The following DCC variants were observed in gnomAD, a reference collection of about 807,000 sequenced individuals.
The protein encoded by DCC is DCC netrin 1 receptor, also known as netrin receptor DCC.
A neutral mutation model predicts 172.5 loss-of-function variants in DCC; 58 were observed. The ratio of observed to expected loss-of-function variants is 0.34; its 90% CI spans 0.27 to 0.42. The LOEUF (loss-of-function observed/expected upper bound fraction) is 0.42. Among genes scored for constraint, DCC ranks in the 10% least tolerant of loss-of-function variants. The pLI is 1.00. For synonymous variants in DCC, 709 were observed against 644.5 expected (o/e 1.10, Z -1.52); for missense variants, 1,740 against 1,791.0 (o/e 0.97, Z 0.51).
At chr18:52,529,776 C>G (rs943217158) in intron 1 of DCC, among the ~76,000 whole-genome samples, 1 of 152,146 alleles carries the variant, frequency 6.6e-6, no homozygotes, top group African/African-American at 2.4e-5. Flanking sequence ...GCATCCGCCT[C>G]GAGCTGTCTT....
intron 2 of DCC, among the ~76,000 whole-genome samples, chr18:52,845,111 T>C (rs1269690142): frequency 1.3e-5 from 2 of 151,928 alleles, no homozygotes; most frequent in African/African-American, 4.9e-5. Flanking sequence ...TTCAGATCCC[T>C]TGGGAAAAGA....
intron 1 of DCC, among the ~76,000 whole-genome samples, chr18:52,601,382 G>A (rs1027262546): frequency 2.0e-5 from 3 of 151,778 alleles, no homozygotes; most frequent in Non-Finnish European, 2.9e-5. Flanking sequence ...AGTGGTTATA[G>A]ATTTTCTTGC....
chr18:52,687,534 C>G (rs927811615), intron 1 of DCC, among the ~76,000 whole-genome samples: 1 of 152,092 alleles, frequency 6.6e-6, no homozygotes, highest in African/African-American at 2.4e-5. Flanking sequence ...ATCCGCCCAC[C>G]TTGGCCTCCC....
chr18:52,616,546 A>G (rs2034385345), intron 1 of DCC, among the ~76,000 whole-genome samples: 1 of 152,160 alleles, frequency 6.6e-6, no homozygotes. Flanking sequence ...TGACAAGCCA[A>G]TTACATTTGC....
At chr18:52,406,840 T>A (rs1014687748) in intron 1 of DCC, among the ~76,000 whole-genome samples, 1 of 152,116 alleles carries the variant, frequency 6.6e-6, no homozygotes, top group African/African-American at 2.4e-5. Flanking sequence ...TTCAGTATGA[T>A]ATAAGACAGT....
chr18:52,498,799 C>T (rs780055476), intron 1 of DCC, among the ~76,000 whole-genome samples: 3 of 152,046 alleles, frequency 2.0e-5, no homozygotes, highest in Non-Finnish European at 4.4e-5. Flanking sequence ...AGAAAGAAAC[C>T]TCTGATGTCT....
chr18:53,359,202 G>A (rs148787764), intron 15 of DCC, among the ~76,000 whole-genome samples: 14 of 152,208 alleles, frequency 9.2e-5, no homozygotes, highest in Admixed American at 3.3e-4. Context: ...GGTTTTGGAG[G>A]TTCAAAAATT....
chr18:52,824,983 T>C (rs982741193), intron 2 of DCC, among the ~76,000 whole-genome samples: 10 of 151,970 alleles, frequency 6.6e-5, no homozygotes, highest in African/African-American at 2.4e-4. Context: ...TATATATATA[T>C]GTCTTGACTA....
At chr18:52,982,637 T>A (rs2041230501) in intron 5 of DCC, among the ~76,000 whole-genome samples, 1 of 152,096 alleles carries the variant, frequency 6.6e-6, no homozygotes, top group African/African-American at 2.4e-5. Context: ...CCTCCTTACC[T>A]TCCCAAGTTG....
intron 1 of DCC, among the ~76,000 whole-genome samples, chr18:52,381,353 T>C (rs1985576547): frequency 6.6e-6 from 1 of 152,178 alleles, no homozygotes; most frequent in African/African-American, 2.4e-5. Flanking sequence ...AAGGGTGGAA[T>C]CTTGTTATGC....
At chr18:52,917,703 T>C (rs1045637955) in intron 3 of DCC, among the ~76,000 whole-genome samples, 11 of 152,182 alleles carry the variant, frequency 7.2e-5, no homozygotes, top group African/African-American at 2.7e-4. Flanking sequence ...ATCACTGTAA[T>C]GACTGTTTTC....
chr18:52,585,055 G>A (rs919442550), intron 1 of DCC, among the ~76,000 whole-genome samples: 3 of 152,096 alleles, frequency 2.0e-5, no homozygotes, highest in East Asian at 3.9e-4. Context: ...TCACTAAGAC[G>A]GTATTTTTTA....
rs58112743 is a variant in DCC at position 52,515,606 on chromosome 18, C to CAAAAAAAAAAAAAAAAAAAAAAAAAAA, written c.91+174748_91+174749insAAAAAAAAAAAAAAAAAAAAAAAAAAA. 2.7e-3 allele frequency among the ~76,000 whole-genome samples: 28 copies of CAAAAAAAAAAAAAAAAAAAAAAAAAAA among 10,328 alleles called. 6 individuals carry two copies. Among genetic ancestry groups the CAAAAAAAAAAAAAAAAAAAAAAAAAAA allele is most frequent in the South Asian group, 4.5e-3 (1 of 220 alleles). 6.8% of individuals were successfully genotyped at this position (10,328 alleles called of 152,430 possible). ...TGGGCGACAGAGCGAAACCCTGTCT[C>CAAAAAAAAAAAAAAAAAAAAAAAAAAA]AAAAAAAAAAAAAAAAAAAATCATA... On this transcript the variant is annotated intron_variant, in intron 1 of 28. Coordinates refer to ENST00000442544, the MANE Select transcript of DCC (RefSeq NM_005215.4).
At chr18:53,030,359 C>T (rs1420977481) in intron 5 of DCC, among the ~76,000 whole-genome samples, 3 of 152,038 alleles carry the variant, frequency 2.0e-5, no homozygotes, top group African/African-American at 7.2e-5. Context: ...ATAATATATA[C>T]TCAATAAAGT....
intron 8 of DCC, among the ~76,000 whole-genome samples, chr18:53,167,697 T>C (rs2144429686): frequency 6.6e-6 from 1 of 152,334 alleles, no homozygotes; most frequent in Non-Finnish European, 1.5e-5. Context: ...AAATGGAATA[T>C]GGCTTCTCTT....
chr18:52,604,536 C>G (rs2034091755), intron 1 of DCC, among the ~76,000 whole-genome samples: 1 of 152,104 alleles, frequency 6.6e-6, no homozygotes, highest in Non-Finnish European at 1.5e-5. Flanking sequence ...GTAGAAAGAA[C>G]AGAGAAGGGA....
At chr18:53,064,904 C>T (rs1017691106) in intron 6 of DCC, among the ~76,000 whole-genome samples, 18 of 152,164 alleles carry the variant, frequency 1.2e-4, no homozygotes, top group African/African-American at 2.4e-4. Flanking sequence ...CCCTTAAGGA[C>T]GTATTGTAAA....
chr18:52,592,278 T>G (rs1247419665), intron 1 of DCC, among the ~76,000 whole-genome samples: 2 of 152,156 alleles, frequency 1.3e-5, no homozygotes, highest in African/African-American at 4.8e-5. Flanking sequence ...AGAAGAAACT[T>G]TTTGCAGAGG....
intron 2 of DCC, among the ~76,000 whole-genome samples, chr18:52,881,167 GT>G (rs1302953743): frequency 6.6e-6 from 1 of 152,070 alleles, no homozygotes; most frequent in Non-Finnish European, 1.5e-5. Context: ...TCTGAGAAAT[GT>G]TTATTCAAAT....
Sources: gnomAD v4.1 joint callset for allele counts (sites outside exome capture counted in the v4.1 genomes callset) on GRCh38, gnomAD v4.1.1 for gene constraint, MANE v1.5 for transcripts, NCBI Gene and HGNC (gene_info 2026-07-23, HGNC 2026-07-21) for gene names.